Variants in GCA observed in about 807,000 individuals in gnomAD.
The protein encoded by GCA is grancalcin.
A neutral mutation model predicts 32.6 loss-of-function variants in GCA; 30 were observed. The observed-to-expected ratio is 0.92, with a 90% CI of 0.69 to 1.25. GCA has a LOEUF of 1.25. Ranked by LOEUF, GCA falls within the 50% of genes most tolerant of loss-of-function variation. The probability of loss-of-function intolerance (pLI) is 0.00; values close to 1 mark genes in which losing one functional copy is unlikely to be tolerated. For missense variants in GCA, 291 were observed against 266.8 expected, an observed-to-expected ratio of 1.09 and a Z score of -0.63; for synonymous variants, 102 against 84.6, an observed-to-expected ratio of 1.21 and a Z score of -1.13.
Position 162,363,025 on chromosome 2 carries a change from G to A in GCA, c.*2782G>A, listed in dbSNP as rs930784851. Among the ~76,000 whole-genome samples, 4 of 151,270 alleles carry A rather than the reference G, an allele frequency of 2.6e-5. No homozygotes were observed. Among genetic ancestry groups the A allele is most frequent in the African/African-American group, 9.7e-5 (4 of 41,324 alleles). ...AAAAAAAATAACAAAAAATCAATTTGTGATTATTTCTTTAAGTAAAATATA... is the reference window on the plus strand; with the variant it reads ...AAAAAAAATAACAAAAAATCAATTTATGATTATTTCTTTAAGTAAAATATA... On this transcript the variant is annotated 3_prime_UTR_variant, in exon 8 of 8. Coordinates refer to ENST00000437150, the MANE Select transcript of GCA (RefSeq NM_012198.5).
downstream of GCA, among the ~76,000 whole-genome samples, chr2:162,366,923 A>G (rs1166207930): frequency 6.6e-6 from 1 of 151,524 alleles, no homozygotes; most frequent in African/African-American, 2.4e-5. Context: ...GGGTAAAGGA[A>G]AGAGCAACAG....
downstream of GCA, among the ~76,000 whole-genome samples, chr2:162,367,225 C>T (rs912817816): frequency 1.3e-5 from 2 of 151,888 alleles, no homozygotes; most frequent in Non-Finnish European, 1.5e-5. Flanking sequence ...AGTCCCCTGC[C>T]ATTTCCACCG....
downstream of GCA, among the ~76,000 whole-genome samples, chr2:162,365,089 T>C (rs1314917234): frequency 6.6e-6 from 1 of 151,530 alleles, no homozygotes; most frequent in Non-Finnish European, 1.5e-5. Flanking sequence ...CTAGTACTGT[T>C]CCTAGTAAAA....
intron 1 of GCA, among the ~76,000 whole-genome samples, chr2:162,329,080 A>G (rs796599109): frequency 2.0e-5 from 3 of 150,828 alleles, no homozygotes; most frequent in South Asian, 2.1e-4. Flanking sequence ...AGCTCCTTCT[A>G]TGTCTGCCTG....
intron 2 of GCA, among the ~76,000 whole-genome samples, chr2:162,348,785 T>G (rs549189937): frequency 6.6e-6 from 1 of 152,220 alleles, no homozygotes; most frequent in Non-Finnish European, 1.5e-5. Flanking sequence ...TTTATATATA[T>G]TTTTCATGTG....
At chr2:162,319,298 C>T (rs1683583249) in intron 1 of GCA, 1 of 453,202 alleles carries the variant, frequency 2.2e-6, no homozygotes, top group African/African-American at 2.0e-5. Context: ...GGTATTTATG[C>T]AGCTTTGACC....
At chr2:162,372,047 A>G, downstream of GCA, 4 of 1,613,198 alleles carry the variant, frequency 2.5e-6, no homozygotes, top group Non-Finnish European at 3.4e-6. Flanking sequence ...CTTGAAAGGG[A>G]TTCTTTGGAT....
chr2:162,360,278 A>T lies in GCA; in HGVS notation c.*35A>T, dbSNP rs1685509076. On this transcript the variant is annotated 3_prime_UTR_variant, in exon 8 of 8. Coordinates refer to ENST00000437150, the MANE Select transcript of GCA (RefSeq NM_012198.5). ...ATTTTAAACCTGAAGAGACACTGTG[A>T]ATTCTTTTGTTTGGAAGAAGTGAAC... 1 of 1,578,838 alleles carries T rather than the reference A, an allele frequency of 6.3e-7. No homozygotes were observed. Among genetic ancestry groups the T allele is most frequent in the Non-Finnish European group, 8.6e-7 (1 of 1,160,120 alleles).
intron 1 of GCA, among the ~76,000 whole-genome samples, chr2:162,334,625 C>G (rs1054926442): frequency 1.3e-5 from 2 of 152,184 alleles, no homozygotes; most frequent in African/African-American, 4.8e-5. Context: ...CTGAGCTAAC[C>G]TCTAGCCACA....
rs770414768 is a variant in GCA, at chr2:162,361,594, T to TA, written c.*1358dup. On this transcript the variant is annotated 3_prime_UTR_variant, in exon 8 of 8. Coordinates refer to ENST00000437150, the MANE Select transcript of GCA (RefSeq NM_012198.5). ...ACAGAATTTTAAATCAGCCTTCACTTAAAAAAATCCTGGAAAGGAAGTAAC... is the reference window on the plus strand; with the variant it reads ...ACAGAATTTTAAATCAGCCTTCACTTAAAAAAAATCCTGGAAAGGAAGTAAC... 1.0e-6 allele frequency: 1 copy of TA among 982,324 alleles called. No homozygotes were observed. The highest frequency in any genetic ancestry group is 6.2e-5 in the Admixed American group (1 of 16,118). The allele number at this position is 982,324 out of a possible 1,614,324, so 60.9% of individuals were successfully genotyped here.
chr2:162,352,307 A>G (rs1397671609), intron 2 of GCA, 31 bp from the exon 3 acceptor site: 2 of 1,331,126 alleles, frequency 1.5e-6, no homozygotes, highest in African/African-American at 1.4e-5. Flanking sequence ...ACAACTGCAC[A>G]TTAAATTAGG....
At chr2:162,357,004 A>AT (rs1685314317) in intron 5 of GCA, 99 bp downstream of exon 5, 11 of 834,380 alleles carry the variant, frequency 1.3e-5, no homozygotes, top group East Asian at 1.0e-4. Flanking sequence ...AAAGGGATGT[A>AT]TTTTTTTGCC....
upstream of GCA, among the ~76,000 whole-genome samples, chr2:162,341,966 TCTATAA>T (rs1684467907): frequency 6.6e-6 from 1 of 152,212 alleles, no homozygotes; most frequent in Non-Finnish European, 1.5e-5. Flanking sequence ...TCGTATTCAC[TCTATAA>T]CTATTTTTAT....
intron 1 of GCA, among the ~76,000 whole-genome samples, chr2:162,324,225 G>A (rs1349417081): frequency 1.3e-5 from 2 of 152,318 alleles, no homozygotes; most frequent in East Asian, 1.9e-4. Context: ...TTGTCTCAAG[G>A]ACAGAGGGCT....
At chr2:162,337,059 T>C (rs181463799) in intron 1 of GCA, among the ~76,000 whole-genome samples, 6 of 152,312 alleles carry the variant, frequency 3.9e-5, no homozygotes, top group African/African-American at 1.4e-4. Flanking sequence ...GTGCTTGACA[T>C]TTTCCACCTG....
intron 1 of GCA, among the ~76,000 whole-genome samples, chr2:162,336,433 CATTTT>C (rs1206503002): frequency 6.6e-6 from 1 of 152,076 alleles, no homozygotes; most frequent in Non-Finnish European, 1.5e-5. Flanking sequence ...ATCTTCTTTT[CATTTT>C]ATTTTTTTGA....
chr2:162,371,739 CCT>C, downstream of GCA: 1 of 1,243,950 alleles, frequency 8.0e-7, no homozygotes, highest in Non-Finnish European at 1.1e-6. Context: ...CTTGTGAGCC[CCT>C]GAGTCAAGTA....
downstream of GCA, among the ~76,000 whole-genome samples, chr2:162,367,359 A>T (rs1384365027): frequency 1.3e-5 from 2 of 151,958 alleles, no homozygotes; most frequent in African/African-American, 2.4e-5. Flanking sequence ...GGAAAATTAT[A>T]TACTTTCAAA....
At chr2:162,331,503 C>A (rs1684083732) in intron 1 of GCA, among the ~76,000 whole-genome samples, 1 of 152,150 alleles carries the variant, frequency 6.6e-6, no homozygotes, top group Admixed American at 6.6e-5. Context: ...GGAGGTTAGA[C>A]CATGAGGGCT....
Sources: allele counts gnomAD v4.1 joint callset (sites outside exome capture counted in the v4.1 genomes callset), GRCh38; gene constraint gnomAD v4.1.1; transcripts MANE v1.5; gene names NCBI Gene and HGNC (gene_info 2026-07-23, HGNC 2026-07-21).